The following CADPS2 variants were observed in gnomAD, a reference collection of about 807,000 sequenced individuals.
CADPS2 encodes the protein calcium-dependent secretion activator 2.
CADPS2 carries 93 observed loss-of-function variants against 172.5 expected under a neutral mutation model. The observed-to-expected ratio is 0.54, with a 90% CI of 0.46 to 0.64. The LOEUF (loss-of-function observed/expected upper bound fraction) is 0.64, where lower values mean the gene tolerates loss of function less well. Ranked by LOEUF, CADPS2 falls within the 30% of genes least tolerant of loss-of-function variation. CADPS2 has a pLI of 0.00. For missense variants in CADPS2, 1,420 were observed against 1,565.9 expected, an observed-to-expected ratio of 0.91 and a Z score of 1.57; for synonymous variants, 546 against 555.2, an observed-to-expected ratio of 0.98 and a Z score of 0.23.
intron 2 of CADPS2, among the ~76,000 whole-genome samples, chr7:122,700,400 T>C (rs1179728069): frequency 6.6e-6 from 1 of 152,120 alleles, no homozygotes; most frequent in Non-Finnish European, 1.5e-5. Flanking sequence ...ATATAAAACA[T>C]ACCCATAAAG....
intron 28 of CADPS2, among the ~76,000 whole-genome samples, chr7:122,326,377 G>A (rs2033875770): frequency 6.6e-6 from 1 of 151,956 alleles, no homozygotes; most frequent in Admixed American, 6.6e-5. Flanking sequence ...GCTCCTATAT[G>A]TCTGTCAGTC....
At chr7:122,722,047 G>T (rs185506012) in intron 2 of CADPS2, among the ~76,000 whole-genome samples, 22 of 152,060 alleles carry the variant, frequency 1.4e-4, no homozygotes, top group African/African-American at 4.8e-4. Context: ...TATCTCAAAA[G>T]AATAAGAGCT....
chr7:122,735,567 T>G (rs917530044), intron 2 of CADPS2, among the ~76,000 whole-genome samples: 1 of 152,108 alleles, frequency 6.6e-6, no homozygotes, highest in African/African-American at 2.4e-5. Context: ...CATACTACGC[T>G]TACTTTTAAA....
At chr7:122,391,461 C>T (rs573032183) in intron 22 of CADPS2, among the ~76,000 whole-genome samples, 10 of 151,708 alleles carry the variant, frequency 6.6e-5, no homozygotes, top group Non-Finnish European at 1.2e-4. Context: ...TAAAATCAAG[C>T]GTTAAATAGA....
chr7:122,592,476 T>A (rs1477886106), intron 6 of CADPS2, among the ~76,000 whole-genome samples: 6 of 152,090 alleles, frequency 3.9e-5, no homozygotes, highest in African/African-American at 1.4e-4. Context: ...GACCCAGCCA[T>A]CCCATTACTG....
intron 9 of CADPS2, among the ~76,000 whole-genome samples, chr7:122,502,119 A>G (rs565515740): frequency 1.3e-5 from 2 of 152,162 alleles, no homozygotes; most frequent in African/African-American, 4.8e-5. Flanking sequence ...GAGAAAGAGA[A>G]AAGTGAATTG....
At chr7:122,555,498 CAA>C (rs1026585023) in intron 7 of CADPS2, among the ~76,000 whole-genome samples, 8 of 151,988 alleles carry the variant, frequency 5.3e-5, no homozygotes, top group African/African-American at 1.2e-4. Context: ...GGCTAAAATA[CAA>C]AATATGTGAA....
At chr7:122,378,830 T>A (rs572553369) in intron 25 of CADPS2, 1 of 152,484 alleles carries the variant, frequency 6.6e-6, no homozygotes, top group Admixed American at 6.5e-5. Flanking sequence ...AATCATCTAA[T>A]CACTAAATGA....
chr7:122,442,167 G>T (rs575764652), intron 15 of CADPS2, among the ~76,000 whole-genome samples: 1 of 152,220 alleles, frequency 6.6e-6, no homozygotes, highest in Non-Finnish European at 1.5e-5. Context: ...ATGAAGGACA[G>T]GTCATGGGGA....
At chr7:122,533,408 T>TA (rs1264404271) in intron 8 of CADPS2, among the ~76,000 whole-genome samples, 1 of 152,174 alleles carries the variant, frequency 6.6e-6, no homozygotes, top group Non-Finnish European at 1.5e-5. Flanking sequence ...ATCATTCTTT[T>TA]AATTTCAGAA....
In CADPS2 at chr7:122,386,786, T is replaced by C. The variant is rs193221433; in HGVS notation, c.3312+240A>G. ...TGTAAATGACACAACACTTCAGCTG[T>C]TAAAAGCTATATCTAAAATTCATGG... On this transcript the variant is annotated intron_variant, in intron 24 of 29. Coordinates refer to ENST00000449022, the MANE Select transcript of CADPS2 (RefSeq NM_017954.11). Among the ~76,000 whole-genome samples, 15 of 152,240 alleles carry C rather than the reference T, an allele frequency of 9.9e-5. No individual in the cohort carries two copies. In the East Asian group the frequency reaches 2.9e-3, roughly 29 times the overall value.
At chr7:122,721,991 A>G (rs2090469181) in intron 2 of CADPS2, among the ~76,000 whole-genome samples, 1 of 152,068 alleles carries the variant, frequency 6.6e-6, no homozygotes, top group African/African-American at 2.4e-5. Flanking sequence ...AAATTCAACA[A>G]CCCTTCATGC....
rs548930819 is a variant in CADPS2, at chr7:122,625,521, G to A, written c.867+3727C>T. ...TCTGTAGGTAGGTCTCATTCACTCA[G>A]CTGAAGGATTTATGACCAAAGGCGA... On this transcript the variant is annotated intron_variant, in intron 4 of 29. Coordinates refer to ENST00000449022, the MANE Select transcript of CADPS2 (RefSeq NM_017954.11). Among the ~76,000 whole-genome samples the A allele has an allele frequency of 5.3e-5, 8 of 152,306 alleles. No homozygotes were observed. The East Asian group carries it at 1.5e-3, about 29-fold the overall frequency.
chr7:122,557,988 T>C (rs2065246213), intron 7 of CADPS2, among the ~76,000 whole-genome samples: 1 of 152,024 alleles, frequency 6.6e-6, no homozygotes, highest in Non-Finnish European at 1.5e-5. Context: ...CACCAATACC[T>C]AGGAAACGAA....
intron 1 of CADPS2, among the ~76,000 whole-genome samples, chr7:122,793,323 A>T (rs1795672685): frequency 6.6e-6 from 1 of 152,200 alleles, no homozygotes; most frequent in Admixed American, 6.5e-5. Flanking sequence ...TGCTGGGTGC[A>T]TATACATTTA....
chr7:122,687,346 C>T (rs1291501863), intron 2 of CADPS2, among the ~76,000 whole-genome samples: 1 of 152,166 alleles, frequency 6.6e-6, no homozygotes, highest in Admixed American at 6.5e-5. Context: ...TTCCACTGTG[C>T]ATTTCTTTAA....
At chr7:122,560,754 A>T (rs1467909573) in intron 7 of CADPS2, among the ~76,000 whole-genome samples, 1 of 152,188 alleles carries the variant, frequency 6.6e-6, no homozygotes. Context: ...TTCAATTGAC[A>T]GAGATTTTAT....
chr7:122,626,922 GA>G lies in CADPS2; in HGVS notation c.867+2325del, dbSNP rs1438483133. 2.6e-4 allele frequency among the ~76,000 whole-genome samples: 39 copies of G among 152,194 alleles called. 1 individual carries two copies. The highest frequency in any genetic ancestry group is 5.1e-4 in the Non-Finnish European group (35 of 68,038). On this transcript the variant is annotated intron_variant, in intron 4 of 29. Transcript: ENST00000449022. ...ACTACTTCCTAATTACCTCTTGGCT[GA>G]AGTACTAAAGTCAACATGTCTCTTG...
intron 2 of CADPS2, among the ~76,000 whole-genome samples, chr7:122,696,000 C>G (rs2085027211): frequency 6.6e-6 from 1 of 152,206 alleles, no homozygotes; most frequent in Non-Finnish European, 1.5e-5. Flanking sequence ...CCCTGGAACT[C>G]TAGGTGCAGG....
Sources: gnomAD v4.1 joint callset for allele counts (sites outside exome capture counted in the v4.1 genomes callset) on GRCh38, gnomAD v4.1.1 for gene constraint, MANE v1.5 for transcripts, NCBI Gene and HGNC (gene_info 2026-07-23, HGNC 2026-07-21) for gene names.